SUCLG2: variants seen among roughly 807,000 people sequenced by gnomAD.
SUCLG2 encodes the protein succinate-CoA ligase GDP-forming subunit beta.
A neutral mutation model predicts 47.9 loss-of-function variants in SUCLG2; 42 were observed. The observed-to-expected ratio is 0.88, with a 90% CI of 0.69 to 1.14. SUCLG2 has a LOEUF of 1.14. Among genes scored for constraint, SUCLG2 ranks in the 50% most tolerant of loss-of-function variants. The pLI is 0.00. For synonymous variants in SUCLG2, 195 were observed against 197.3 expected (o/e 0.99, Z 0.10); for missense variants, 571 against 525.9 (o/e 1.09, Z -0.84).
intron 2 of SUCLG2, among the ~76,000 whole-genome samples, chr3:67,563,763 T>A (rs1279885688): frequency 6.6e-6 from 1 of 151,808 alleles, no homozygotes; most frequent in Admixed American, 6.6e-5. Context: ...ATCGAGACCA[T>A]CCTGGTTAAC....
At chr3:67,446,416 CATTTTTTTTTTTTTT>C (rs1455856765) in intron 9 of SUCLG2, among the ~76,000 whole-genome samples, 17 of 78,342 alleles carry the variant, frequency 2.2e-4, no homozygotes, top group African/African-American at 4.5e-4. Context: ...TACATATGTA[CATTTTTTTTTTTTTT>C]TTTTTTTTTT....
At chr3:67,379,549 C>G (rs1274516351) in intron 10 of SUCLG2, among the ~76,000 whole-genome samples, 1 of 152,188 alleles carries the variant, frequency 6.6e-6, no homozygotes, top group Non-Finnish European at 1.5e-5. Context: ...GTTGTGCTTC[C>G]TTGCAACCAA....
chr3:67,571,227 G>A lies in SUCLG2; in HGVS notation c.226+38228C>T, dbSNP rs74429137. Among the ~76,000 whole-genome samples, 745 of 152,218 alleles carry A rather than the reference G, an allele frequency of 4.9e-3. 6 individuals are homozygous for A. The highest frequency in any genetic ancestry group is 0.017 in the African/African-American group (711 of 41,506). On this transcript the variant is annotated intron_variant, in intron 2 of 10. Coordinates refer to ENST00000307227, the MANE Select transcript of SUCLG2 (RefSeq NM_003848.4). ...GGACACAGTTCTGGTGGTTACAACT[G>A]GGGGATGCTACTGGCACCTAGTACT...
At chr3:67,388,512 C>G (rs1702307366) in intron 10 of SUCLG2, among the ~76,000 whole-genome samples, 1 of 152,156 alleles carries the variant, frequency 6.6e-6, no homozygotes, top group African/African-American at 2.4e-5. Flanking sequence ...CAAGACCTAT[C>G]CCAACATTGT....
At chr3:67,448,246 T>TA (rs1703974451) in intron 9 of SUCLG2, among the ~76,000 whole-genome samples, 1 of 152,174 alleles carries the variant, frequency 6.6e-6, no homozygotes, top group African/African-American at 2.4e-5. Context: ...AATGCAGTCA[T>TA]AAAAATGAAT....
chr3:67,572,383 G>C (rs1035967204), intron 2 of SUCLG2, among the ~76,000 whole-genome samples: 5 of 152,080 alleles, frequency 3.3e-5, no homozygotes, highest in African/African-American at 1.2e-4. Context: ...ACCAAGTGGA[G>C]GAACAAATAC....
At chr3:67,463,779 C>A (rs1704397066) in intron 9 of SUCLG2, among the ~76,000 whole-genome samples, 1 of 152,128 alleles carries the variant, frequency 6.6e-6, no homozygotes, top group Non-Finnish European at 1.5e-5. Context: ...AGAGATTATG[C>A]CAGGGCCGGG....
At chr3:67,390,318 A>G (rs946173273) in intron 10 of SUCLG2, among the ~76,000 whole-genome samples, 6 of 152,214 alleles carry the variant, frequency 3.9e-5, no homozygotes, top group South Asian at 2.1e-4. Flanking sequence ...CCCACAATGT[A>G]TTAAAAATAT....
At chr3:67,405,719 T>C (rs1702789032) in intron 9 of SUCLG2, among the ~76,000 whole-genome samples, 1 of 152,202 alleles carries the variant, frequency 6.6e-6, no homozygotes, top group Non-Finnish European at 1.5e-5. Flanking sequence ...TCTTCGCAGC[T>C]GTCCACAGAA....
rs199925153 is a variant in SUCLG2, at chr3:67,609,559, T to G, written c.122A>C (p.Gln41Pro). Residue 41 changes from glutamine to proline, a missense_variant, in exon 2 of 11, where the codon CAG (glutamine) becomes CCG (proline). Gln to Pro is a moderately conservative substitution (Grantham distance 76). Transcript: ENST00000307227. ...CATCAGTTTCTTGCTCTGGTATTCC[T>G]GCAGGTTCAGCCATCTTCTGGAGGT... ...QLTSRRWLNL[Q>P]EYQSKKLMSD... is the part of the protein sequence containing the mutation. The G allele has an allele frequency of 4.3e-4, 696 of 1,613,778 alleles. No homozygotes were observed. The highest frequency in any genetic ancestry group is 5.2e-4 in the Non-Finnish European group (611 of 1,179,920).
intron 2 of SUCLG2, among the ~76,000 whole-genome samples, chr3:67,601,643 A>T (rs762845974): frequency 1.3e-5 from 2 of 152,156 alleles, no homozygotes; most frequent in Non-Finnish European, 2.9e-5. Context: ...ACATGCCAAC[A>T]TAACTTCTTT....
At chr3:67,370,504 C>A (rs1701938260), downstream of SUCLG2, among the ~76,000 whole-genome samples, 1 of 152,064 alleles carries the variant, frequency 6.6e-6, no homozygotes, top group South Asian at 2.1e-4. Flanking sequence ...AAATAAAACC[C>A]AACCAATACT....
intron 2 of SUCLG2, among the ~76,000 whole-genome samples, chr3:67,560,273 G>A (rs1707275150): frequency 6.6e-6 from 1 of 152,152 alleles, no homozygotes; most frequent in Non-Finnish European, 1.5e-5. Flanking sequence ...TTTAAAAAAT[G>A]AGAAATTTGG....
chr3:67,401,429 AAAT>A (rs1270327819), intron 9 of SUCLG2, among the ~76,000 whole-genome samples: 2 of 152,184 alleles, frequency 1.3e-5, no homozygotes, highest in African/African-American at 4.8e-5. Context: ...AAGACTCTCG[AAAT>A]AAAGAGATCC....
intron 7 of SUCLG2, among the ~76,000 whole-genome samples, chr3:67,503,878 C>G (rs1480080763): frequency 6.6e-6 from 1 of 152,106 alleles, no homozygotes; most frequent in East Asian, 1.9e-4. Context: ...ATTCAACAAT[C>G]TCGATAGAAA....
In SUCLG2 at chr3:67,495,914, T is replaced by C. The variant is rs575833641; in HGVS notation, c.946A>G (p.Thr316Ala). The C allele has an allele frequency of 1.9e-6, 3 of 1,613,938 alleles. No homozygotes were observed. The highest frequency in any genetic ancestry group is 4.5e-5 in the East Asian group (2 of 44,856). ...CCATTAAGGAAAATGATATCACAAG[T>C]AGCCATGGCGAGCCCAGCACCATTC... ...FVNGAGLAMA[T>A]CDIIFLNGGK... Residue 316 changes from threonine (T) to alanine (A), a missense_variant, in exon 9 of 11, where the codon ACT (threonine) becomes GCT (alanine). Thr to Ala is a moderately conservative substitution (Grantham distance 58). Coordinates refer to ENST00000307227, the MANE Select transcript of SUCLG2 (RefSeq NM_003848.4).
intron 9 of SUCLG2, among the ~76,000 whole-genome samples, chr3:67,418,282 T>C (rs1005131112): frequency 5.9e-5 from 9 of 152,172 alleles, no homozygotes; most frequent in Non-Finnish European, 1.3e-4. Flanking sequence ...CAGTCAGCAA[T>C]TATTGCTACT....
chr3:67,545,137 CAAT>C (rs1296949798), intron 2 of SUCLG2, among the ~76,000 whole-genome samples: 1 of 152,096 alleles, frequency 6.6e-6, no homozygotes, highest in Non-Finnish European at 1.5e-5. Flanking sequence ...TTAGTAGCAA[CAAT>C]AATAAAGTAT....
intron 10 of SUCLG2, among the ~76,000 whole-genome samples, chr3:67,399,597 G>C (rs1251995455): frequency 6.6e-6 from 1 of 151,976 alleles, no homozygotes; most frequent in East Asian, 1.9e-4. Context: ...CTAATATGAT[G>C]GTGGTAATAT....
Sources: gnomAD v4.1 joint callset for allele counts (sites outside exome capture counted in the v4.1 genomes callset) on GRCh38, gnomAD v4.1.1 for gene constraint, MANE v1.5 for transcripts, NCBI Gene and HGNC (gene_info 2026-07-23, HGNC 2026-07-21) for gene names.